Variants in NPAS3 observed in about 807,000 individuals in gnomAD.
The protein encoded by NPAS3 is neuronal PAS domain protein 3, also known as neuronal PAS domain-containing protein 3.
A neutral mutation model predicts 73.1 loss-of-function variants in NPAS3; 14 were observed. The observed-to-expected ratio is 0.19, with a 90% confidence interval of 0.13 to 0.30. The LOEUF (loss-of-function observed/expected upper bound fraction) is 0.30, where lower values mean the gene tolerates loss of function less well. Ranked by LOEUF, NPAS3 falls within the 10% of genes least tolerant of loss-of-function variation. NPAS3 has a pLI of 1.00. For synonymous variants in NPAS3, 620 were observed against 541.5 expected (o/e 1.14, Z -2.01); for missense variants, 1,096 against 1,250.0 (o/e 0.88, Z 1.86).
chr14:33,440,836 A>G (rs1243060109), intron 4 of NPAS3, among the ~76,000 whole-genome samples: 3 of 151,696 alleles, frequency 2.0e-5, no homozygotes, highest in Non-Finnish European at 4.4e-5. Flanking sequence ...AGAGGTTGCA[A>G]TGAGCCAAGA....
In NPAS3 at chr14:33,223,705, T is replaced by C. The variant is rs116441508; in HGVS notation, c.385+8279T>C. Among the ~76,000 whole-genome samples, 1,400 of 152,284 alleles carry C rather than the reference T, an allele frequency of 9.2e-3. 21 individuals carry two copies. The highest frequency in any genetic ancestry group is 0.032 in the African/African-American group (1,324 of 41,552). On this transcript the variant is annotated intron_variant, in intron 3 of 11. Transcript: ENST00000356141. ...CTATATGGTTTCTTGAAGCCGTTTA[T>C]TAATAATTTCAAAAGCCACATACCC...
chr14:33,552,915 A>G (rs2055185791), intron 4 of NPAS3, among the ~76,000 whole-genome samples: 1 of 152,204 alleles, frequency 6.6e-6, no homozygotes, highest in South Asian at 2.1e-4. Context: ...CCGTTCAGTA[A>G]TTTAACATAC....
intron 3 of NPAS3, among the ~76,000 whole-genome samples, chr14:33,287,836 A>G (rs895946788): frequency 3.3e-5 from 5 of 152,302 alleles, no homozygotes; most frequent in South Asian, 4.1e-4. Context: ...GACTAGAACC[A>G]TCGTTCCTGG....
At position 33,578,836 on chromosome 14, in the gene NPAS3, C is replaced by T. The variant is rs1157600347; in HGVS notation, c.558+18626C>T. Among the ~76,000 whole-genome samples the T allele has an allele frequency of 3.3e-5, 5 of 152,078 alleles. No homozygotes were observed. The South Asian group carries it at 8.3e-4, about 25-fold the overall frequency. On this transcript the variant is annotated intron_variant, in intron 5 of 11. Transcript: ENST00000356141. ...AATGAAACCACAGGGGAAAACAAAA[C>T]AAAACAAAACAAAAACAGGGTTATC...
intron 2 of NPAS3, among the ~76,000 whole-genome samples, chr14:33,098,751 C>G (rs1028522146): frequency 6.6e-6 from 1 of 152,174 alleles, no homozygotes. Context: ...TTAGTATACT[C>G]AAGTTGACTC....
At chr14:33,348,849 C>T (rs2044880714) in intron 3 of NPAS3, among the ~76,000 whole-genome samples, 1 of 152,084 alleles carries the variant, frequency 6.6e-6, no homozygotes. Context: ...AAGAGGTGTT[C>T]AGGGTTAGAA....
intron 4 of NPAS3, among the ~76,000 whole-genome samples, chr14:33,472,334 C>CTT (rs1283872665): frequency 6.6e-6 from 1 of 152,022 alleles, no homozygotes; most frequent in African/African-American, 2.4e-5. Flanking sequence ...TGTAGGGGGC[C>CTT]TTGAAGACTT....
chr14:33,641,266 A>G (rs1201317118), intron 5 of NPAS3, among the ~76,000 whole-genome samples: 1 of 152,200 alleles, frequency 6.6e-6, no homozygotes, highest in African/African-American at 2.4e-5. Context: ...AGTAGTCAAG[A>G]AGGCTCATGA....
intron 4 of NPAS3, among the ~76,000 whole-genome samples, chr14:33,484,258 G>T (rs548143357): frequency 2.0e-5 from 3 of 152,262 alleles, no homozygotes; most frequent in South Asian, 4.1e-4. Flanking sequence ...TCTGGAGGAG[G>T]AGCTGAGGAA....
intron 1 of NPAS3, among the ~76,000 whole-genome samples, chr14:32,956,460 G>A (rs1323190262): frequency 1.3e-5 from 2 of 152,148 alleles, no homozygotes; most frequent in African/African-American, 4.8e-5. Flanking sequence ...ATTGATAGTG[G>A]TGAACATTGT....
intron 7 of NPAS3, among the ~76,000 whole-genome samples, chr14:33,750,751 A>G (rs1179594332): frequency 6.6e-6 from 1 of 152,214 alleles, no homozygotes; most frequent in South Asian, 2.1e-4. Flanking sequence ...GGGAAGACAA[A>G]GATGGATAAA....
chr14:33,397,187 C>T (rs949280137), intron 4 of NPAS3, among the ~76,000 whole-genome samples: 56 of 152,116 alleles, frequency 3.7e-4, no homozygotes, highest in Admixed American at 3.5e-3. Context: ...AAAATCTCCC[C>T]TTGACTTGGT....
At chr14:33,197,190 A>C (rs1413111974) in intron 2 of NPAS3, among the ~76,000 whole-genome samples, 2 of 150,982 alleles carry the variant, frequency 1.3e-5, no homozygotes, top group Non-Finnish European at 3.0e-5. Context: ...ACAGGGGTGA[A>C]GGGAAGCAAA....
intron 3 of NPAS3, among the ~76,000 whole-genome samples, chr14:33,251,018 G>A (rs1314827554): frequency 6.6e-6 from 1 of 152,056 alleles, no homozygotes; most frequent in Non-Finnish European, 1.5e-5. Context: ...TATATATTGG[G>A]CATGGAAAAT....
rs1040161120 is a variant in NPAS3 at position 33,685,336 on chromosome 14, C to A, written c.733+8951C>A. Among the ~76,000 whole-genome samples, 8 of 152,178 alleles carry A rather than the reference C, an allele frequency of 5.3e-5. 1 individual carries two copies. Among genetic ancestry groups the A allele is most frequent in the Admixed American group, 5.2e-4 (8 of 15,272 alleles). On this transcript the variant is annotated intron_variant, in intron 6 of 11. Transcript: ENST00000356141. ...AGCTATCTCAGGCTTAAAACTTCAACCCTAAAATTATTAGTAGCCCAGAAA... is the reference window on the plus strand; with the variant it reads ...AGCTATCTCAGGCTTAAAACTTCAAACCTAAAATTATTAGTAGCCCAGAAA...
intron 3 of NPAS3, among the ~76,000 whole-genome samples, chr14:33,314,377 G>C (rs1186238994): frequency 6.6e-6 from 1 of 152,022 alleles, no homozygotes; most frequent in East Asian, 1.9e-4. Context: ...GACTAGGTAT[G>C]TGACCTTGAG....
intron 3 of NPAS3, among the ~76,000 whole-genome samples, chr14:33,326,899 T>C (rs534501823): frequency 6.6e-6 from 1 of 152,216 alleles, no homozygotes; most frequent in African/African-American, 2.4e-5. Flanking sequence ...CTCAGAATAG[T>C]GGGGATGTAT....
At chr14:33,140,899 T>C (rs2891232) in intron 2 of NPAS3, among the ~76,000 whole-genome samples, 58,329 of 152,034 alleles carry the variant, frequency 0.38, 11,797 homozygotes, top group African/African-American at 0.52. Flanking sequence ...CCAAACATAA[T>C]GGGGAAATCC....
At chr14:33,472,788 G>A (rs2050844028) in intron 4 of NPAS3, among the ~76,000 whole-genome samples, 2 of 150,242 alleles carry the variant, frequency 1.3e-5, no homozygotes, top group Non-Finnish European at 2.9e-5. Context: ...TATGGGGTGG[G>A]GTGGAGGGTG....
Sources: gnomAD v4.1 joint callset for allele counts (sites outside exome capture counted in the v4.1 genomes callset) on GRCh38, gnomAD v4.1.1 for gene constraint, MANE v1.5 for transcripts, NCBI Gene and HGNC (gene_info 2026-07-23, HGNC 2026-07-21) for gene names.